The following OPA1 variants were observed in gnomAD, a reference collection of about 807,000 sequenced individuals.
OPA1 encodes the protein dynamin-like GTPase OPA1, mitochondrial.
Under a neutral mutation model 152.9 loss-of-function variants are expected in OPA1, and 59 were observed. The observed-to-expected ratio is 0.39, with a 90% CI of 0.31 to 0.48. OPA1 has a LOEUF of 0.48. OPA1 is among the 20% of genes least tolerant of loss of function. The probability of loss-of-function intolerance (pLI) is 0.96; values close to 1 mark genes in which losing one functional copy is unlikely to be tolerated. For synonymous variants in OPA1, 400 were observed against 389.9 expected, an observed-to-expected ratio of 1.03 and a Z score of -0.31; for missense variants, 1,008 against 1,216.8, an observed-to-expected ratio of 0.83 and a Z score of 2.55.
At chr3:193,658,438 C>T (rs9837255) in intron 23 of OPA1, among the ~76,000 whole-genome samples, 64,296 of 151,748 alleles carry the variant, frequency 0.42, 13,900 homozygotes, top group Non-Finnish European at 0.43. Context: ...TTACTTTTTT[C>T]GTTGCTGTTA....
intron 29 of OPA1, among the ~76,000 whole-genome samples, chr3:193,680,421 A>T (rs200300606): frequency 6.6e-6 from 1 of 152,206 alleles, no homozygotes; most frequent in East Asian, 1.9e-4. Context: ...ATGCAGTTAC[A>T]ATCTTGACCT....
chr3:193,607,094 A>G (rs1727407956), intron 1 of OPA1, among the ~76,000 whole-genome samples: 2 of 151,962 alleles, frequency 1.3e-5, no homozygotes, highest in Admixed American at 6.6e-5. Context: ...CATATCCTTC[A>G]CCCACTTGTT....
intron 7 of OPA1, chr3:193,628,420 G>T (rs559742585): frequency 1.5e-4 from 23 of 152,206 alleles, no homozygotes; most frequent in African/African-American, 5.3e-4. Flanking sequence ...TTTCAGAATG[G>T]CCTCAATGCC....
At chr3:193,677,626 A>G (rs1039996116) in intron 29 of OPA1, among the ~76,000 whole-genome samples, 5 of 152,212 alleles carry the variant, frequency 3.3e-5, no homozygotes, top group Non-Finnish European at 5.9e-5. Context: ...TGTTAAGTAC[A>G]GTTCTCCAGG....
intron 15 of OPA1, 113 bp from the exon 16 acceptor site, chr3:193,643,862 G>A: frequency 2.6e-6 from 3 of 1,159,914 alleles, no homozygotes; most frequent in Admixed American, 2.1e-5. Context: ...TAACGTAAAT[G>A]TATTAAAATC....
rs1032918696 is a variant in OPA1, at chr3:193,617,674, G to A, written c.557-110G>A. The A allele has an allele frequency of 8.8e-6, 7 of 799,188 alleles. No individual in the cohort carries two copies. In the Admixed American group the frequency reaches 1.3e-4, roughly 15 times the overall value. 49.5% of individuals were successfully genotyped at this position (799,188 alleles called of 1,614,324 possible). A position where few individuals can be genotyped will look rare whatever the true frequency, so the allele number is the denominator to read the frequency against. On this transcript the variant is annotated intron_variant, in intron 4 of 30. Transcript: ENST00000361510. ...TATTAAGTTTAATCCTGGCATATTT[G>A]CCCAATTATTGCCCTATCGTAATAT...
intron 29 of OPA1, among the ~76,000 whole-genome samples, chr3:193,675,078 G>A (rs1487738089): frequency 6.6e-6 from 1 of 152,102 alleles, no homozygotes; most frequent in African/African-American, 2.4e-5. Context: ...TGTAGAGTCT[G>A]AGACACAACG....
intron 11 of OPA1, among the ~76,000 whole-genome samples, chr3:193,641,002 C>CA (rs1733703297): frequency 6.6e-6 from 1 of 152,096 alleles, no homozygotes; most frequent in African/African-American, 2.4e-5. Flanking sequence ...GTGACTGTAC[C>CA]AGACTTTACA....
chr3:193,664,063 A>G lies in OPA1; in HGVS notation c.2662-817A>G, dbSNP rs183422229. 9.2e-5 allele frequency among the ~76,000 whole-genome samples: 14 copies of G among 152,150 alleles called. No individual in the cohort carries two copies. The East Asian group carries it at 1.4e-3, about 15-fold the overall frequency. ...GATTTTTTTTTTAAACTTTTTGCTC[A>G]TGTCTTAGGCAATGAATTGACTGTA... On this transcript the variant is annotated intron_variant, in intron 26 of 30. Transcript: ENST00000361510.
intron 29 of OPA1, among the ~76,000 whole-genome samples, chr3:193,679,399 T>A (rs1250809348): frequency 6.6e-6 from 1 of 152,190 alleles, no homozygotes. Flanking sequence ...CTCTAGGATC[T>A]GGCCCTCACA....
At position 193,610,724 on chromosome 3, in the gene OPA1, C is replaced by A. The variant is rs1298152752; in HGVS notation, c.33-3999C>A. On this transcript the variant is annotated intron_variant, in intron 1 of 30. Transcript: ENST00000361510. ...CAGCTGCTTTTTTTACCTGCTCAAG[C>A]CTCCGCAATGGCGGGCACCCCTCCC... Among the ~76,000 whole-genome samples, 7 of 152,366 alleles carry A rather than the reference C, an allele frequency of 4.6e-5. No homozygotes were observed. The South Asian group carries it at 1.2e-3, about 27-fold the overall frequency.
Position 193,635,401 on chromosome 3 carries a change from T to G in OPA1, c.844-17T>G. The G allele has an allele frequency of 6.9e-7, 1 of 1,455,714 alleles. No homozygotes were observed. The allele number at this position is 1,455,714 out of a possible 1,614,324, so 90.2% of individuals were successfully genotyped here. A position where few individuals can be genotyped will look rare whatever the true frequency, so the allele number is the denominator to read the frequency against. On this transcript the variant is annotated splice_polypyrimidine_tract_variant and intron_variant, in intron 8 of 30. Transcript: ENST00000361510. ...CCATCTTTTGCTTATATAGTTACACTTATTATTTTATTGCAGTTGAAGTAT... is the reference window on the plus strand; with the variant it reads ...CCATCTTTTGCTTATATAGTTACACGTATTATTTTATTGCAGTTGAAGTAT...
chr3:193,607,869 G>T (rs1467893716), intron 1 of OPA1, among the ~76,000 whole-genome samples: 1 of 152,116 alleles, frequency 6.6e-6, no homozygotes, highest in Non-Finnish European at 1.5e-5. Flanking sequence ...CCATTTTCAC[G>T]ATATTGATTC....
chr3:193,659,624 T>A, intron 25 of OPA1, 63 bp downstream of exon 25: 1 of 1,325,086 alleles, frequency 7.5e-7, no homozygotes, highest in Non-Finnish European at 1.1e-6. Context: ...ATTCAGGCAT[T>A]AAAATATAAC....
chr3:193,624,035 A>G (rs1409280780), intron 6 of OPA1, among the ~76,000 whole-genome samples: 1 of 152,258 alleles, frequency 6.6e-6, no homozygotes, highest in Non-Finnish European at 1.5e-5. Flanking sequence ...GGAAAGAGAC[A>G]TGTCCCTAGA....
At chr3:193,635,547 T>G (rs1214497701) in intron 9 of OPA1, 25 bp downstream of exon 9, 1 of 1,414,490 alleles carries the variant, frequency 7.1e-7, no homozygotes, top group East Asian at 2.3e-5. Context: ...TCTTGTTTAT[T>G]CTCAAAATTT....
rs548102628 is a variant in OPA1 at position 193,598,066 on chromosome 3, G to A, written c.32+4657G>A. On this transcript the variant is annotated intron_variant, in intron 1 of 30. Coordinates refer to ENST00000361510, the MANE Select transcript of OPA1 (RefSeq NM_130837.3). ...ATTGCACTCCACGTTGGGCAACAGA[G>A]CAAGACTTCGTCTCAAAAATAAATA... Among the ~76,000 whole-genome samples the A allele has an allele frequency of 4.6e-5, 7 of 152,254 alleles. No individual in the cohort carries two copies. In the South Asian group the frequency reaches 1.0e-3, roughly 23 times the overall value.
At chr3:193,648,731 AATC>A in intron 20 of OPA1, 61 bp from the exon 21 acceptor site, 1 of 1,175,704 alleles carries the variant, frequency 8.5e-7, no homozygotes. Flanking sequence ...TATCTCTGAA[AATC>A]ATGACAGGGT....
intron 1 of OPA1, among the ~76,000 whole-genome samples, chr3:193,604,095 G>A (rs1317256636): frequency 6.6e-6 from 1 of 152,226 alleles, no homozygotes; most frequent in African/African-American, 2.4e-5. Flanking sequence ...CCTAAAACCA[G>A]ATCTGATGAA....
Sources: allele counts gnomAD v4.1 joint callset (sites outside exome capture counted in the v4.1 genomes callset), GRCh38; gene constraint gnomAD v4.1.1; transcripts MANE v1.5; gene names NCBI Gene and HGNC (gene_info 2026-07-23, HGNC 2026-07-21).